ATG4C: variants seen among roughly 807,000 people sequenced by gnomAD.
ATG4C encodes cysteine protease ATG4C.
In ATG4C, 56 loss-of-function variants were observed where a neutral mutation model predicts 57.6. That is an observed-to-expected ratio of 0.97 (90% confidence interval 0.78 to 1.21). ATG4C has a LOEUF of 1.21. ATG4C is among the 50% of genes most tolerant of loss of function. ATG4C has a pLI of 0.00. For missense variants in ATG4C, 595 were observed against 529.8 expected (o/e 1.12, Z -1.21); for synonymous variants, 157 against 174.1 (o/e 0.90, Z 0.78).
chr1:62,839,849 C>T (rs1364936649), intron 9 of ATG4C, among the ~76,000 whole-genome samples: 1 of 151,756 alleles, frequency 6.6e-6, no homozygotes, highest in Non-Finnish European at 1.5e-5. Flanking sequence ...CATATTTTGC[C>T]CTATATTGAG....
chr1:62,794,779 A>T (rs1321284469), intron 1 of ATG4C, among the ~76,000 whole-genome samples: 3 of 152,204 alleles, frequency 2.0e-5, no homozygotes, highest in Non-Finnish European at 4.4e-5. Flanking sequence ...GAAGATTGGC[A>T]GGTATCGGTG....
rs1664278254 is a variant in ATG4C at position 62,791,660 on chromosome 1, T to A, written c.-69+7387T>A. Reference sequence around the variant, plus strand: ...CTTGTAAAGCCACCAGTTCCACTCCTCTGATAACCTGTTAATCCATTAATC... The same window carrying A: ...CTTGTAAAGCCACCAGTTCCACTCCACTGATAACCTGTTAATCCATTAATC... On this transcript the variant is annotated intron_variant, in intron 1 of 10. Coordinates refer to ENST00000317868, the MANE Select transcript of ATG4C (RefSeq NM_032852.4). Among the ~76,000 whole-genome samples the A allele has an allele frequency of 2.0e-5, 3 of 152,310 alleles. No homozygotes were observed. In the South Asian group the frequency reaches 6.2e-4, roughly 32 times the overall value.
In ATG4C at chr1:62,793,005, A is replaced by G. The variant is rs545090966; in HGVS notation, c.-69+8732A>G. On this transcript the variant is annotated intron_variant, in intron 1 of 10. Coordinates refer to ENST00000317868, the MANE Select transcript of ATG4C (RefSeq NM_032852.4). ...GGGTTCACGCCATTCTCCTGCCTTA[A>G]CCTCCCGAGTAGCTGGGACTACAGG... Among the ~76,000 whole-genome samples the G allele has an allele frequency of 3.7e-3, 560 of 151,386 alleles. 2 individuals carry two copies. The highest frequency in any genetic ancestry group is 5.4e-3 in the Non-Finnish European group (368 of 67,850).
In ATG4C at chr1:62,864,155, T is replaced by C. The variant is rs1442708488; in HGVS notation, c.1373T>C (p.Leu458Pro). Residue 458 changes from leucine (L) to proline (P), a missense_variant, in exon 11 of 11, where the codon CTT becomes CCT. Physicochemically the swap from Leu to Pro is moderately conservative, Grantham distance 98. Coordinates refer to ENST00000317868, the MANE Select transcript of ATG4C (RefSeq NM_032852.4). Reference protein sequence around the residue: ...KRFSTEEFVLL With the variant: ...KRFSTEEFVLP ...TTTAGCACGGAAGAGTTTGTCTTGC[T>C]TTAAAGATTAGCACATTTGTGCTTG... 1 of 1,597,388 alleles carries C rather than the reference T, an allele frequency of 6.3e-7. No individual in the cohort carries two copies. Among genetic ancestry groups the C allele is most frequent in the African/African-American group, 1.4e-5 (1 of 73,786 alleles).
intron 10 of ATG4C, among the ~76,000 whole-genome samples, chr1:62,854,848 G>A (rs1457123319): frequency 2.0e-5 from 3 of 152,116 alleles, no homozygotes; most frequent in Non-Finnish European, 4.4e-5. Flanking sequence ...CGTCTCTTAA[G>A]AGCCTGTGGA....
chr1:62,862,396 A>G lies in ATG4C; in HGVS notation c.1210-1596A>G, dbSNP rs181743920. On this transcript the variant is annotated intron_variant, in intron 10 of 10. Transcript: ENST00000317868. ...TTAACTCTGCTGTGTTGATCTGAAA[A>G]TGATATGTGGATACTTGCCCGTTAG... 4.1e-3 allele frequency among the ~76,000 whole-genome samples: 623 copies of G among 152,170 alleles called. 1 individual carries two copies. The highest frequency in any genetic ancestry group is 0.014 in the African/African-American group (583 of 41,522).
intron 1 of ATG4C, among the ~76,000 whole-genome samples, chr1:62,796,309 A>AT (rs1196243411): frequency 6.6e-6 from 1 of 150,552 alleles, no homozygotes; most frequent in African/African-American, 2.5e-5. Flanking sequence ...AAATATTTTA[A>AT]TAGAACAAAG....
At chr1:62,838,102 T>G (rs908272168) in intron 9 of ATG4C, among the ~76,000 whole-genome samples, 1 of 152,218 alleles carries the variant, frequency 6.6e-6, no homozygotes, top group Non-Finnish European at 1.5e-5. Flanking sequence ...GACTTCACTA[T>G]TCTAAACAAT....
In ATG4C at chr1:62,816,622, C is replaced by T. The variant is rs535434876; in HGVS notation, c.208C>T (p.His70Tyr). The change falls in exon 4 of 11, where the codon CAC becomes TAC. Residue 70 changes from histidine (H) to tyrosine (Y), a missense_variant. His to Tyr is a moderately conservative substitution (Grantham distance 83). Coordinates refer to ENST00000317868, the MANE Select transcript of ATG4C (RefSeq NM_032852.4). ...AGAGTCGGGATGTACAATAGAGGATCACGTAATTGCAGGAAATGTAGAAGA... is the reference window on the plus strand; with the variant it reads ...AGAGTCGGGATGTACAATAGAGGATTACGTAATTGCAGGAAATGTAGAAGA... The part of the protein sequence containing the change: ...PAESGCTIED[H>Y]VIAGNVEEFR... 26 of 1,613,596 alleles carry T rather than the reference C, an allele frequency of 1.6e-5. 1 individual carries two copies. In the South Asian group the frequency reaches 2.7e-4, roughly 17 times the overall value.
chr1:62,840,615 G>T (rs551541260), intron 9 of ATG4C, among the ~76,000 whole-genome samples: 35 of 152,264 alleles, frequency 2.3e-4, no homozygotes, highest in African/African-American at 8.4e-4. Context: ...CAAAAAGATT[G>T]CAGTGATTAC....
At position 62,865,002 on chromosome 1, in the gene ATG4C, A is replaced by C. The variant is rs902410074; in HGVS notation, c.*843A>C. On this transcript the variant is annotated 3_prime_UTR_variant, in exon 11 of 11. Transcript: ENST00000317868. Reference sequence around the variant, plus strand: ...GTGATTTTTGTTTTTTATATAAAGCAGTGTAGTGGTGTTTAGAAGCTGAGG... The same window carrying C: ...GTGATTTTTGTTTTTTATATAAAGCCGTGTAGTGGTGTTTAGAAGCTGAGG... The C allele has an allele frequency of 6.6e-6, 1 of 151,918 alleles. No individual in the cohort carries two copies. Among genetic ancestry groups the C allele is most frequent in the African/African-American group, 2.4e-5 (1 of 41,430 alleles). 9.4% of individuals were successfully genotyped at this position (151,918 alleles called of 1,614,324 possible). A position where few individuals can be genotyped will look rare whatever the true frequency, so the allele number is the denominator to read the frequency against.
chr1:62,850,864 A>ATGTGTGTATGTG (rs1666493139), intron 10 of ATG4C, among the ~76,000 whole-genome samples: 1 of 68,292 alleles, frequency 1.5e-5, no homozygotes, highest in Non-Finnish European at 2.8e-5. Flanking sequence ...GTATATATAT[A>ATGTGTGTATGTG]TATATATATA....
At chr1:62,799,543 A>G (rs1218689293) in intron 1 of ATG4C, among the ~76,000 whole-genome samples, 1 of 152,164 alleles carries the variant, frequency 6.6e-6, no homozygotes, top group African/African-American at 2.4e-5. Context: ...CAACTCAACA[A>G]TTTATTCCAC....
intron 10 of ATG4C, among the ~76,000 whole-genome samples, chr1:62,850,458 C>T (rs1284666839): frequency 1.3e-5 from 2 of 152,090 alleles, no homozygotes; most frequent in Non-Finnish European, 2.9e-5. Context: ...CTTTTTAACT[C>T]AGAGTAAAAG....
At chr1:62,809,569 TTAA>T (rs1360095395) in intron 3 of ATG4C, among the ~76,000 whole-genome samples, 2 of 146,940 alleles carry the variant, frequency 1.4e-5, no homozygotes, top group Admixed American at 6.9e-5. Flanking sequence ...TATATAATAT[TTAA>T]TAATATATAA....
chr1:62,836,550 T>C (rs1666005138), intron 9 of ATG4C, among the ~76,000 whole-genome samples: 1 of 152,100 alleles, frequency 6.6e-6, no homozygotes, highest in Non-Finnish European at 1.5e-5. Flanking sequence ...ATTTCACTTT[T>C]TGCTTTTTAT....
chr1:62,859,087 G>C (rs1666771167), intron 10 of ATG4C, among the ~76,000 whole-genome samples: 1 of 152,134 alleles, frequency 6.6e-6, no homozygotes, highest in African/African-American at 2.4e-5. Flanking sequence ...TGGATGGGTT[G>C]AGTATCCCTA....
intron 1 of ATG4C, among the ~76,000 whole-genome samples, chr1:62,798,047 C>T (rs1664532030): frequency 6.6e-6 from 1 of 152,176 alleles, no homozygotes; most frequent in Non-Finnish European, 1.5e-5. Context: ...GTCTTGAACT[C>T]CTGACCTCAG....
chr1:62,826,716 G>T (rs1042229116), intron 6 of ATG4C, among the ~76,000 whole-genome samples: 2 of 151,102 alleles, frequency 1.3e-5, no homozygotes, highest in Admixed American at 1.3e-4. Flanking sequence ...TACATTAGAT[G>T]TATCTCCTAA....
Sources: gnomAD v4.1 joint callset for allele counts (sites outside exome capture counted in the v4.1 genomes callset) on GRCh38, gnomAD v4.1.1 for gene constraint, MANE v1.5 for transcripts, NCBI Gene and HGNC (gene_info 2026-07-23, HGNC 2026-07-21) for gene names.